WWC2: variants seen among roughly 807,000 people sequenced by gnomAD.
The protein encoded by WWC2 is WW and C2 domain containing 2, also known as protein WWC2.
WWC2 carries 101 observed loss-of-function variants against 138.5 expected under a neutral mutation model. That is an observed-to-expected ratio of 0.73 (90% CI 0.62 to 0.86). The LOEUF (loss-of-function observed/expected upper bound fraction) is 0.86, where lower values mean the gene tolerates loss of function less well. WWC2 is among the 40% of genes least tolerant of loss of function. The pLI is 0.00. For synonymous variants in WWC2, 558 were observed against 538.4 expected, an observed-to-expected ratio of 1.04 and a Z score of -0.50; for missense variants, 1,420 against 1,419.4, an observed-to-expected ratio of 1.00 and a Z score of -0.01.
At chr4:183,308,982 A>T (rs977746506) in intron 21 of WWC2, among the ~76,000 whole-genome samples, 5 of 152,224 alleles carry the variant, frequency 3.3e-5, no homozygotes, top group Admixed American at 3.3e-4. Context: ...TCAAAAAAAG[A>T]TCATCTTTTC....
intron 6 of WWC2, among the ~76,000 whole-genome samples, chr4:183,248,242 A>G (rs1331244820): frequency 6.6e-6 from 1 of 152,202 alleles, no homozygotes; most frequent in Non-Finnish European, 1.5e-5. Flanking sequence ...GATGTGAGCT[A>G]AATAATCTCT....
intron 21 of WWC2, among the ~76,000 whole-genome samples, chr4:183,298,782 G>A (rs2095179394): frequency 6.6e-6 from 1 of 152,174 alleles, no homozygotes; most frequent in South Asian, 2.1e-4. Flanking sequence ...AGTCTAATGT[G>A]CTTTCAGTAT....
At chr4:183,107,171 C>G (rs985145693) in intron 1 of WWC2, among the ~76,000 whole-genome samples, 8 of 151,520 alleles carry the variant, frequency 5.3e-5, no homozygotes, top group Admixed American at 5.3e-4. Context: ...TTTCTTTCTT[C>G]TTTTGAGACG....
intron 15 of WWC2, chr4:183,269,912 A>G (rs544381413): frequency 1.2e-4 from 19 of 159,086 alleles, no homozygotes; most frequent in African/African-American, 3.4e-4. Context: ...GTAAAGTTAC[A>G]TAAGTATTCA....
chr4:183,269,463 A>C, intron 15 of WWC2: 1 of 542,280 alleles, frequency 1.8e-6, no homozygotes, highest in Non-Finnish European at 3.6e-6. Flanking sequence ...GAGTGTGCTT[A>C]CCACTCCCAG....
intron 16 of WWC2, among the ~76,000 whole-genome samples, chr4:183,274,368 T>C (rs1473304974): frequency 2.0e-5 from 3 of 152,182 alleles, no homozygotes; most frequent in Non-Finnish European, 4.4e-5. Context: ...AGGACGTATT[T>C]CCATTTATTT....
chr4:183,113,000 C>T (rs1449837855), intron 1 of WWC2, among the ~76,000 whole-genome samples: 3 of 152,022 alleles, frequency 2.0e-5, no homozygotes, highest in Non-Finnish European at 2.9e-5. Context: ...CCGCCGGGCA[C>T]GGTGGCTCAT....
At chr4:183,102,125 A>G (rs1373331581) in intron 1 of WWC2, among the ~76,000 whole-genome samples, 1 of 152,148 alleles carries the variant, frequency 6.6e-6, no homozygotes, top group Non-Finnish European at 1.5e-5. Context: ...CTTTGCTGGG[A>G]TGTGATCAAA....
chr4:183,255,174 C>G (rs7658253), intron 9 of WWC2, among the ~76,000 whole-genome samples: 4,210 of 152,290 alleles, frequency 0.028, 183 homozygotes, highest in African/African-American at 0.096. Flanking sequence ...CTTCTGCCCT[C>G]TTAATAATTC....
At chr4:183,195,358 C>G (rs1442060360) in intron 2 of WWC2, among the ~76,000 whole-genome samples, 1 of 152,118 alleles carries the variant, frequency 6.6e-6, no homozygotes, top group Non-Finnish European at 1.5e-5. Context: ...TCTGTTGGTA[C>G]CAAAATGAGA....
intron 2 of WWC2, among the ~76,000 whole-genome samples, chr4:183,206,897 T>C (rs1735462634): frequency 6.6e-6 from 1 of 152,210 alleles, no homozygotes; most frequent in Admixed American, 6.5e-5. Context: ...ATGTTTAGGG[T>C]AATCTGATTC....
intron 16 of WWC2, among the ~76,000 whole-genome samples, chr4:183,278,822 T>G (rs949245081): frequency 3.3e-5 from 5 of 151,722 alleles, no homozygotes; most frequent in African/African-American, 1.2e-4. Context: ...TTTTGTACAT[T>G]GATTTTGTAT....
chr4:183,133,868 A>C (rs1467957277), intron 1 of WWC2, among the ~76,000 whole-genome samples: 1 of 152,160 alleles, frequency 6.6e-6, no homozygotes, highest in Non-Finnish European at 1.5e-5. Flanking sequence ...AAACGTGCCC[A>C]CATTTTCTAG....
intron 1 of WWC2, among the ~76,000 whole-genome samples, chr4:183,183,922 ATATTT>A (rs1229538767): frequency 6.6e-6 from 1 of 152,158 alleles, no homozygotes; most frequent in Non-Finnish European, 1.5e-5. Context: ...TTTTGTGAAA[ATATTT>A]TATTCACTTT....
At chr4:183,314,667 C>A (rs1239234282) in intron 22 of WWC2, among the ~76,000 whole-genome samples, 1 of 152,208 alleles carries the variant, frequency 6.6e-6, no homozygotes, top group Non-Finnish European at 1.5e-5. Context: ...ATCTCAAATG[C>A]AGGTGCCGGC....
At chr4:183,177,537 A>G (rs1451267848) in intron 1 of WWC2, among the ~76,000 whole-genome samples, 1 of 152,220 alleles carries the variant, frequency 6.6e-6, no homozygotes, top group Non-Finnish European at 1.5e-5. Flanking sequence ...ACAAGGTTCA[A>G]GAATAAATAA....
At chr4:183,137,950 T>A (rs1447844156) in intron 1 of WWC2, among the ~76,000 whole-genome samples, 6 of 152,222 alleles carry the variant, frequency 3.9e-5, no homozygotes, top group Non-Finnish European at 7.3e-5. Context: ...GACTGTGAGC[T>A]AAGTTACTTA....
chr4:183,198,290 A>G (rs1735199038), intron 2 of WWC2, among the ~76,000 whole-genome samples: 1 of 152,246 alleles, frequency 6.6e-6, no homozygotes, highest in Non-Finnish European at 1.5e-5. Flanking sequence ...CTATGTTCAT[A>G]CAACCCAGAG....
intron 5 of WWC2, among the ~76,000 whole-genome samples, chr4:183,243,903 C>T (rs1314495820): frequency 6.6e-6 from 1 of 151,988 alleles, no homozygotes; most frequent in East Asian, 1.9e-4. Flanking sequence ...TGTTCAGCAG[C>T]ATAAGATAGT....
Sources: gnomAD v4.1 joint callset for allele counts (sites outside exome capture counted in the v4.1 genomes callset) on GRCh38, gnomAD v4.1.1 for gene constraint, MANE v1.5 for transcripts, NCBI Gene and HGNC (gene_info 2026-07-23, HGNC 2026-07-21) for gene names.